ZNF148: variants seen among roughly 807,000 people sequenced by gnomAD.
The protein encoded by ZNF148 is zinc finger protein 148, also known as Beta-Enolase Repressor Factor-1.
ZNF148 carries 7 observed loss-of-function variants against 67.7 expected under a neutral mutation model. That is an observed-to-expected ratio of 0.10 (90% CI 0.06 to 0.19). The LOEUF (loss-of-function observed/expected upper bound fraction) is 0.19. Among genes scored for constraint, ZNF148 ranks in the 10% least tolerant of loss-of-function variants. The pLI is 1.00. For missense variants in ZNF148, 583 were observed against 947.1 expected (o/e 0.62, Z 5.05); for synonymous variants, 333 against 330.7 (o/e 1.01, Z -0.08).
intron 7 of ZNF148, among the ~76,000 whole-genome samples, chr3:125,276,028 G>A (rs990267522): frequency 3.3e-5 from 5 of 152,136 alleles, no homozygotes; most frequent in East Asian, 3.9e-4. Flanking sequence ...GTTTTTCCAC[G>A]TCTGTTTTTC....
At position 125,237,755 on chromosome 3, in the gene ZNF148, C is replaced by T. The variant is rs548585974; in HGVS notation, c.668-3426G>A. 1.4e-4 allele frequency among the ~76,000 whole-genome samples: 21 copies of T among 152,202 alleles called. No individual in the cohort carries two copies. In the Middle Eastern group the frequency reaches 0.01, roughly 74 times the overall value. Reference sequence around the variant, plus strand: ...AAGACTTAACATTAAGATGGCAAAACTCCTCAAACTGATCTACAGATTTAA... The same window carrying T: ...AAGACTTAACATTAAGATGGCAAAATTCCTCAAACTGATCTACAGATTTAA... On this transcript the variant is annotated intron_variant, in intron 7 of 8. Transcript: ENST00000360647.
chr3:125,234,379 T>C, intron 7 of ZNF148, 50 bp from the exon 8 acceptor site: 2 of 1,269,638 alleles, frequency 1.6e-6, no homozygotes, highest in African/African-American at 1.5e-5. Context: ...TGTAAAATAA[T>C]GAATTGCTTT....
chr3:125,280,470 T>C (rs1938317466), intron 5 of ZNF148, among the ~76,000 whole-genome samples: 2 of 151,996 alleles, frequency 1.3e-5, no homozygotes, highest in Non-Finnish European at 2.9e-5. Context: ...TCACTTCAGT[T>C]CAGGAGTTCG....
At chr3:125,370,888 C>G (rs545805163) in intron 1 of ZNF148, among the ~76,000 whole-genome samples, 17 of 152,126 alleles carry the variant, frequency 1.1e-4, no homozygotes, top group Middle Eastern at 6.8e-3. Flanking sequence ...ATATCCAAAT[C>G]CCCCTCAAAA....
intron 4 of ZNF148, among the ~76,000 whole-genome samples, chr3:125,310,090 T>TTTTTTTG (rs1384061360): frequency 6.6e-6 from 1 of 151,502 alleles, no homozygotes; most frequent in East Asian, 1.9e-4. Flanking sequence ...TTTTTTTTTT[T>TTTTTTTG]TTTTTTAAAG....
chr3:125,368,971 T>C (rs537780032), intron 1 of ZNF148, among the ~76,000 whole-genome samples: 2 of 117,498 alleles, frequency 1.7e-5, no homozygotes, highest in African/African-American at 6.7e-5. Flanking sequence ...AACAAAAGTG[T>C]GCCTCTTGGG....
At chr3:125,372,012 C>T (rs534123710) in intron 1 of ZNF148, among the ~76,000 whole-genome samples, 2 of 149,678 alleles carry the variant, frequency 1.3e-5, no homozygotes, top group East Asian at 2.0e-4. Context: ...TGCAGTGAGC[C>T]GAGATCACAC....
At chr3:125,290,964 A>C (rs985760635) in intron 4 of ZNF148, among the ~76,000 whole-genome samples, 3 of 152,082 alleles carry the variant, frequency 2.0e-5, no homozygotes, top group African/African-American at 7.2e-5. Flanking sequence ...CAAATCTGCT[A>C]CTCTTCTTAA....
chr3:125,357,333 CACTT>C (rs1942384409), intron 1 of ZNF148: 1 of 154,136 alleles, frequency 6.5e-6, no homozygotes, highest in South Asian at 2.1e-4. Flanking sequence ...CGCACGCACG[CACTT>C]ACACACAAAA....
At chr3:125,272,747 TG>T (rs1937823917) in intron 7 of ZNF148, among the ~76,000 whole-genome samples, 1 of 152,228 alleles carries the variant, frequency 6.6e-6, no homozygotes, top group African/African-American at 2.4e-5. Flanking sequence ...ATATGTTTTA[TG>T]TATAACCAAT....
intron 5 of ZNF148, among the ~76,000 whole-genome samples, chr3:125,281,474 A>G (rs568954799): frequency 6.6e-6 from 1 of 152,360 alleles, no homozygotes; most frequent in East Asian, 1.9e-4. Context: ...GTATGTTGAT[A>G]ACAAATAAGA....
chr3:125,264,715 C>A (rs756973707), intron 7 of ZNF148, among the ~76,000 whole-genome samples: 1 of 152,180 alleles, frequency 6.6e-6, no homozygotes, highest in Non-Finnish European at 1.5e-5. Flanking sequence ...CTCTGAAATG[C>A]CTTTCATGTC....
intron 1 of ZNF148, among the ~76,000 whole-genome samples, chr3:125,370,882 C>A (rs1272751191): frequency 1.3e-5 from 2 of 152,060 alleles, no homozygotes; most frequent in African/African-American, 2.4e-5. Context: ...TTAACTATAT[C>A]CAAATCCCCC....
At chr3:125,260,302 T>C (rs1560121222) in intron 7 of ZNF148, among the ~76,000 whole-genome samples, 8 of 148,060 alleles carry the variant, frequency 5.4e-5, no homozygotes. Context: ...AACCTTCAAT[T>C]AAAAAAAAAA....
intron 1 of ZNF148, among the ~76,000 whole-genome samples, chr3:125,374,042 A>G (rs1942979029): frequency 6.6e-6 from 1 of 152,202 alleles, no homozygotes; most frequent in African/African-American, 2.4e-5. Flanking sequence ...GGTAAGTGTT[A>G]ATACTTCAAA....
chr3:125,307,546 C>T (rs546988340), intron 4 of ZNF148, among the ~76,000 whole-genome samples: 2 of 152,266 alleles, frequency 1.3e-5, no homozygotes, highest in African/African-American at 2.4e-5. Context: ...CCTCGTGATC[C>T]GCCCGCTTCG....
rs1935677351 is a variant in ZNF148, at chr3:125,227,197, C to A, written c.*5144G>T. On this transcript the variant is annotated 3_prime_UTR_variant, in exon 9 of 9. Transcript: ENST00000360647. ...GCATAGCAACCCAATTCATTTAGTT[C>A]TATACAACAGTGTCTATATTATGTA... 1 of 152,264 alleles carries A rather than the reference C, an allele frequency of 6.6e-6. No homozygotes were observed. The highest frequency in any genetic ancestry group is 6.6e-5 in the Admixed American group (1 of 15,236). 9.4% of individuals were successfully genotyped at this position (152,264 alleles called of 1,614,324 possible).
At chr3:125,359,403 T>TTC (rs1301408697) in intron 1 of ZNF148, among the ~76,000 whole-genome samples, 1 of 151,468 alleles carries the variant, frequency 6.6e-6, no homozygotes, top group Non-Finnish European at 1.5e-5. Flanking sequence ...TAAATATGCT[T>TTC]TCTCTCTCTC....
At chr3:125,238,978 C>T (rs547213819) in intron 7 of ZNF148, among the ~76,000 whole-genome samples, 16 of 152,254 alleles carry the variant, frequency 1.1e-4, no homozygotes, top group South Asian at 2.1e-4. Flanking sequence ...ATCTTGAAGA[C>T]ATTACGCTAA....
Sources: gnomAD v4.1 joint callset for allele counts (sites outside exome capture counted in the v4.1 genomes callset) on GRCh38, gnomAD v4.1.1 for gene constraint, MANE v1.5 for transcripts, NCBI Gene and HGNC (gene_info 2026-07-23, HGNC 2026-07-21) for gene names.